SLC9A9: variants seen among roughly 807,000 people sequenced by gnomAD.
The protein encoded by SLC9A9 is sodium/hydrogen exchanger 9.
A neutral mutation model predicts 77.8 loss-of-function variants in SLC9A9; 62 were observed. That is an observed-to-expected ratio of 0.80 (90% CI 0.65 to 0.98). SLC9A9 has a LOEUF of 0.98. Ranked by LOEUF, SLC9A9 falls within the 50% of genes least tolerant of loss-of-function variation. SLC9A9 has a pLI of 0.00. For missense variants in SLC9A9, 775 were observed against 774.9 expected, an observed-to-expected ratio of 1.00 and a Z score of 0.00; for synonymous variants, 320 against 283.5, an observed-to-expected ratio of 1.13 and a Z score of -1.29.
At chr3:143,617,292 T>C (rs1353439296) in intron 6 of SLC9A9, among the ~76,000 whole-genome samples, 2 of 152,240 alleles carry the variant, frequency 1.3e-5, no homozygotes, top group East Asian at 1.9e-4. Flanking sequence ...GCCATGCCCA[T>C]TTATTGACCT....
intron 8 of SLC9A9, among the ~76,000 whole-genome samples, chr3:143,564,663 A>G (rs557515841): frequency 1.4e-4 from 21 of 152,316 alleles, no homozygotes; most frequent in African/African-American, 5.1e-4. Context: ...GAGTACAATT[A>G]CCATCTAGTT....
intron 9 of SLC9A9, among the ~76,000 whole-genome samples, chr3:143,507,221 T>G (rs757605346): frequency 3.8e-4 from 58 of 151,972 alleles, no homozygotes; most frequent in Non-Finnish European, 7.1e-4. Context: ...TTATTTTTAT[T>G]TTTTGAGATG....
intron 14 of SLC9A9, among the ~76,000 whole-genome samples, chr3:143,278,435 T>A (rs996072607): frequency 6.6e-6 from 1 of 152,200 alleles, no homozygotes; most frequent in African/African-American, 2.4e-5. Flanking sequence ...AATTATTTTG[T>A]CTATTAGTTT....
chr3:143,606,769 A>C (rs1244787324), intron 6 of SLC9A9, among the ~76,000 whole-genome samples: 2 of 151,964 alleles, frequency 1.3e-5, no homozygotes, highest in Non-Finnish European at 2.9e-5. Flanking sequence ...CAGGTTAAAA[A>C]ACAAAAAGAT....
At chr3:143,457,856 A>G (rs759193230) in intron 12 of SLC9A9, among the ~76,000 whole-genome samples, 19 of 152,212 alleles carry the variant, frequency 1.2e-4, no homozygotes, top group Admixed American at 5.9e-4. Context: ...TTTATGACCT[A>G]TGCTATTGCC....
At chr3:143,741,056 G>GTA (rs948993205) in intron 4 of SLC9A9, among the ~76,000 whole-genome samples, 9 of 152,202 alleles carry the variant, frequency 5.9e-5, no homozygotes, top group Non-Finnish European at 1.2e-4. Context: ...TTATAGATAT[G>GTA]TATATATATG....
intron 6 of SLC9A9, among the ~76,000 whole-genome samples, chr3:143,617,992 A>G (rs2038135173): frequency 6.6e-6 from 1 of 152,208 alleles, no homozygotes; most frequent in Non-Finnish European, 1.5e-5. Flanking sequence ...ATCACTTAAG[A>G]GGCTTTTGAA....
At chr3:143,364,876 T>G (rs2032857274) in intron 13 of SLC9A9, among the ~76,000 whole-genome samples, 1 of 152,202 alleles carries the variant, frequency 6.6e-6, no homozygotes, top group South Asian at 2.1e-4. Context: ...CAGTGTCCCC[T>G]AGAGAATCAC....
chr3:143,707,074 A>G (rs1018518844), intron 4 of SLC9A9, among the ~76,000 whole-genome samples: 6 of 152,086 alleles, frequency 3.9e-5, no homozygotes, highest in Non-Finnish European at 7.4e-5. Context: ...AAGGTTGGGA[A>G]ATTCTGTGCC....
At position 143,839,149 on chromosome 3, in the gene SLC9A9, TTC is replaced by T. The variant is rs148528238; in HGVS notation, c.176-6930_176-6929del. ...GGTGGGGGAGTTTGTTCTTTCTCTGTTCTCCCACCAACCTTTTAAATTAAAAA... is the reference window on the plus strand; with the variant it reads ...GGTGGGGGAGTTTGTTCTTTCTCTGTTCCCACCAACCTTTTAAATTAAAAA... On this transcript the variant is annotated intron_variant, in intron 1 of 15. Coordinates refer to ENST00000316549, the MANE Select transcript of SLC9A9 (RefSeq NM_173653.4). 9.4e-3 allele frequency among the ~76,000 whole-genome samples: 1,433 copies of T among 152,246 alleles called. 20 individuals carry two copies. The highest frequency in any genetic ancestry group is 0.032 in the African/African-American group (1,327 of 41,516).
At chr3:143,606,882 A>G (rs1169458913) in intron 6 of SLC9A9, among the ~76,000 whole-genome samples, 1 of 152,160 alleles carries the variant, frequency 6.6e-6, no homozygotes, top group Non-Finnish European at 1.5e-5. Flanking sequence ...TGAGAGAGGA[A>G]CTATTCTAAG....
intron 11 of SLC9A9, among the ~76,000 whole-genome samples, chr3:143,488,701 A>G (rs73146729): frequency 6.6e-6 from 1 of 151,830 alleles, no homozygotes. Context: ...TTAACATTTC[A>G]TGATAAAAAA....
intron 4 of SLC9A9, among the ~76,000 whole-genome samples, chr3:143,716,573 G>T (rs1275214017): frequency 1.3e-5 from 2 of 152,138 alleles, no homozygotes; most frequent in African/African-American, 4.8e-5. Context: ...CCTTTCAGGA[G>T]GTTGTGAGAA....
intron 12 of SLC9A9, among the ~76,000 whole-genome samples, chr3:143,441,258 A>C (rs997028675): frequency 6.6e-6 from 1 of 152,168 alleles, no homozygotes; most frequent in Non-Finnish European, 1.5e-5. Context: ...TTGTGGTAGA[A>C]TATCTGCTTA....
At chr3:143,588,648 G>T (rs1419907687) in intron 6 of SLC9A9, among the ~76,000 whole-genome samples, 1 of 152,210 alleles carries the variant, frequency 6.6e-6, no homozygotes, top group African/African-American at 2.4e-5. Flanking sequence ...GAAACATGTT[G>T]TCAGAATTGA....
rs1263521548 is a variant in SLC9A9, at chr3:143,700,904, G to A, written c.534-7597C>T. Among the ~76,000 whole-genome samples the A allele has an allele frequency of 9.8e-5, 15 of 152,320 alleles. No homozygotes were observed. In the East Asian group the frequency reaches 2.1e-3, roughly 22 times the overall value. On this transcript the variant is annotated intron_variant, in intron 4 of 15. Transcript: ENST00000316549. ...ACTTAGCACAGTTCCATTGGTGGTG[G>A]CCACAGGGGTACTTGTTTCACCTCA... is the stretch of plus-strand genomic sequence containing the variant.
At chr3:143,632,352 G>A (rs2108728136) in intron 6 of SLC9A9, among the ~76,000 whole-genome samples, 1 of 152,212 alleles carries the variant, frequency 6.6e-6, no homozygotes, top group South Asian at 2.1e-4. Flanking sequence ...AGATTCTAAT[G>A]GAATGGAGAG....
chr3:143,752,026 C>A (rs1262843599), intron 4 of SLC9A9, among the ~76,000 whole-genome samples: 1 of 152,152 alleles, frequency 6.6e-6, no homozygotes, highest in Non-Finnish European at 1.5e-5. Context: ...ACTGAAATCG[C>A]CTTTCAGACA....
chr3:143,534,427 A>G (rs1373201120), intron 9 of SLC9A9, among the ~76,000 whole-genome samples: 1 of 152,232 alleles, frequency 6.6e-6, no homozygotes, highest in East Asian at 1.9e-4. Flanking sequence ...TCTGACATTC[A>G]TTCCTGTGCT....
Sources: gnomAD v4.1 joint callset for allele counts (sites outside exome capture counted in the v4.1 genomes callset) on GRCh38, gnomAD v4.1.1 for gene constraint, MANE v1.5 for transcripts, NCBI Gene and HGNC (gene_info 2026-07-23, HGNC 2026-07-21) for gene names.